ALPL: variants seen among roughly 807,000 people sequenced by gnomAD.
ALPL encodes alkaline phosphatase, biomineralization associated, also known as alkaline phosphatase, tissue-nonspecific isozyme.
Under a neutral mutation model 51.3 loss-of-function variants are expected in ALPL, and 42 were observed. The observed-to-expected ratio is 0.82, with a 90% CI of 0.64 to 1.06. ALPL has a LOEUF of 1.06. ALPL is among the 50% of genes least tolerant of loss of function. The pLI is 0.00. For synonymous variants in ALPL, 279 were observed against 296.4 expected, an observed-to-expected ratio of 0.94 and a Z score of 0.60; for missense variants, 589 against 709.4, an observed-to-expected ratio of 0.83 and a Z score of 1.93.
chr1:21,517,051 A>G (rs115039501), intron 1 of ALPL, among the ~76,000 whole-genome samples: 4,039 of 152,324 alleles, frequency 0.027, 85 homozygotes, highest in Non-Finnish European at 0.036. Context: ...CCTATTTCAT[A>G]ATAAAGTGTT....
At position 21,521,474 on chromosome 1, in the gene ALPL, A is replaced by C. The variant is rs1259174393; in HGVS notation, c.-105+11957A>C. Reference sequence around the variant, plus strand: ...TGCTGGGATTACAACAGCCCATTTAATGACTTTTGAGTTCATGAAAGGCTG... The same window carrying C: ...TGCTGGGATTACAACAGCCCATTTACTGACTTTTGAGTTCATGAAAGGCTG... On this transcript the variant is annotated intron_variant, in intron 1 of 11. Transcript: ENST00000374840. Among the ~76,000 whole-genome samples the C allele has an allele frequency of 2.0e-5, 3 of 152,244 alleles. No individual in the cohort carries two copies. The East Asian group carries it at 5.8e-4, about 29-fold the overall frequency.
Position 21,542,477 on chromosome 1 carries a change from CA to C in ALPL, c.-104-11500del, listed in dbSNP as rs35924229. On this transcript the variant is annotated intron_variant, in intron 1 of 11. Coordinates refer to ENST00000374840, the MANE Select transcript of ALPL (RefSeq NM_000478.6). ...CCTCCTCTTTAGGCCTCAGTCTTCC[CA>C]TTTGGACAATGGGATGATCTCTAAG... 2.0e-3 allele frequency among the ~76,000 whole-genome samples: 302 copies of C among 152,312 alleles called. 2 individuals are homozygous for C. The highest frequency in any genetic ancestry group is 7.1e-3 in the African/African-American group (295 of 41,576).
chr1:21,575,148 G>C (rs567775013), intron 9 of ALPL, among the ~76,000 whole-genome samples: 1 of 152,340 alleles, frequency 6.6e-6, no homozygotes, highest in East Asian at 1.9e-4. Flanking sequence ...TGGGAGCTCC[G>C]TGCTTTCTTT....
rs1478450463 is a variant in ALPL, at chr1:21,543,151, TA to T, written c.-104-10820del. Among the ~76,000 whole-genome samples, 18 of 151,802 alleles carry T rather than the reference TA, an allele frequency of 1.2e-4. No individual in the cohort carries two copies. In the East Asian group the frequency reaches 3.3e-3, roughly 28 times the overall value. On this transcript the variant is annotated intron_variant, in intron 1 of 11. Transcript: ENST00000374840. Reference sequence around the variant, plus strand: ...TAAGACCCTGTCTCAAAACAAAAAATAAAAAAACAGCTTCCCAGGCCCTGAC... The same window carrying T: ...TAAGACCCTGTCTCAAAACAAAAAATAAAAAACAGCTTCCCAGGCCCTGAC...
chr1:21,575,446 C>T (rs1314509983), intron 9 of ALPL, among the ~76,000 whole-genome samples: 3 of 152,208 alleles, frequency 2.0e-5, no homozygotes, highest in Admixed American at 1.3e-4. Context: ...CTGGGAGGGG[C>T]GGTGGGAGGA....
In ALPL at chr1:21,577,571, G is replaced by A. The variant is rs762216748; in HGVS notation, c.1498G>A (p.Ala500Thr). 2 of 1,603,564 alleles carry A rather than the reference G, an allele frequency of 1.2e-6. No individual in the cohort carries two copies. The highest frequency in any genetic ancestry group is 1.7e-6 in the Non-Finnish European group (2 of 1,179,802). Reference sequence around the variant, plus strand: ...GGCCAACCTCGGCCACTGTGCTCCTGCCAGCTCGGCAGGCAGCCTTGCTGC... The same window carrying A: ...GGCCAACCTCGGCCACTGTGCTCCTACCAGCTCGGCAGGCAGCCTTGCTGC... ...IGANLGHCAP[A>T]SSAGSLAAGP... Residue 500 changes from alanine (A) to threonine (T), a missense_variant, in exon 12 of 12, where the codon GCC becomes ACC. Physicochemically the swap from Ala to Thr is moderately conservative, Grantham distance 58. Coordinates refer to ENST00000374840, the MANE Select transcript of ALPL (RefSeq NM_000478.6).
chr1:21,537,821 C>T (rs1471447577), intron 1 of ALPL, among the ~76,000 whole-genome samples: 1 of 152,202 alleles, frequency 6.6e-6, no homozygotes, highest in Non-Finnish European at 1.5e-5. Flanking sequence ...GTTTTTCCTC[C>T]TGAGCCGGAG....
At position 21,577,589 on chromosome 1, in the gene ALPL, C is replaced by A. The variant is rs1570310404; in HGVS notation, c.1516C>A (p.Leu506Ile). Residue 506 changes from leucine (L) to isoleucine (I), a missense_variant, in exon 12 of 12, where the codon CTT becomes ATT. Coordinates refer to ENST00000374840, the MANE Select transcript of ALPL (RefSeq NM_000478.6). ...TGCTCCTGCCAGCTCGGCAGGCAGCCTTGCTGCAGGCCCCCTGCTGCTCGC... is the reference window on the plus strand; with the variant it reads ...TGCTCCTGCCAGCTCGGCAGGCAGCATTGCTGCAGGCCCCCTGCTGCTCGC... Reference protein sequence around the residue: ...HCAPASSAGSLAAGPLLLALA... With the variant: ...HCAPASSAGSIAAGPLLLALA... The A allele has an allele frequency of 6.2e-7, 1 of 1,602,106 alleles. No homozygotes were observed. The highest frequency in any genetic ancestry group is 8.5e-7 in the Non-Finnish European group (1 of 1,179,750).
chr1:21,546,639 T>C (rs1487391720), intron 1 of ALPL, among the ~76,000 whole-genome samples: 5 of 152,218 alleles, frequency 3.3e-5, no homozygotes, highest in African/African-American at 7.2e-5. Context: ...CTGCTGGCTT[T>C]AGGCCAGCGC....
chr1:21,554,654 C>A (rs1172238858), intron 2 of ALPL, among the ~76,000 whole-genome samples: 1 of 151,288 alleles, frequency 6.6e-6, no homozygotes, highest in Non-Finnish European at 1.5e-5. Flanking sequence ...CCGCGCCAGG[C>A]TAATTTTTTG....
rs182887664 is a variant in ALPL, at chr1:21,525,668, G to A, written c.-105+16151G>A. On this transcript the variant is annotated intron_variant, in intron 1 of 11. Coordinates refer to ENST00000374840, the MANE Select transcript of ALPL (RefSeq NM_000478.6). ...AGGGTTAGGTGCTGGAATCACAGAT[G>A]GATCTGCCCTGGATTTTGCCTTCAA... 1.5e-3 allele frequency among the ~76,000 whole-genome samples: 236 copies of A among 152,322 alleles called. 1 individual carries two copies. The highest frequency in any genetic ancestry group is 5.1e-3 in the Admixed American group (78 of 15,298).
intron 4 of ALPL, among the ~76,000 whole-genome samples, chr1:21,561,639 G>A (rs1435861548): frequency 6.7e-6 from 1 of 150,304 alleles, no homozygotes; most frequent in African/African-American, 2.4e-5. Context: ...TTACAGGCGT[G>A]AGCCACCATG....
At chr1:21,516,336 A>T (rs1455697463) in intron 1 of ALPL, among the ~76,000 whole-genome samples, 1 of 150,434 alleles carries the variant, frequency 6.6e-6, no homozygotes, top group Admixed American at 6.6e-5. Context: ...CCCCTCCTCC[A>T]CTCCTTCTGA....
chr1:21,576,528 C>T lies in ALPL; in HGVS notation c.1196C>T (p.Ala399Val), dbSNP rs1394896229. The change falls in exon 11 of 12, where the codon GCC (alanine) becomes GTC (valine). Residue 399 changes from alanine to valine, a missense_variant. Physicochemically the swap from Ala to Val is moderately conservative, Grantham distance 64. Transcript: ENST00000374840. ...TPRGNSIFGL[A>V]PMLSDTDKKP... is the part of the protein sequence containing the mutation. ...ACACCCCCTCCCTGTGCAGGTCTGG[C>T]CCCCATGCTGAGTGACACAGACAAG... The T allele has an allele frequency of 1.2e-6, 2 of 1,613,700 alleles. No homozygotes were observed. Among genetic ancestry groups the T allele is most frequent in the Non-Finnish European group, 1.7e-6 (2 of 1,179,842 alleles).
chr1:21,564,804 A>T lies in ALPL; in HGVS notation c.648+588A>T, dbSNP rs1266520684. 6.6e-6 allele frequency among the ~76,000 whole-genome samples: 1 copy of T among 152,166 alleles called. No homozygotes were observed. The highest frequency in any genetic ancestry group is 1.5e-5 in the Non-Finnish European group (1 of 68,042). Reference sequence around the variant, plus strand: ...AAGCTTATGCCAAGAACTGATTAAGATAATCCCTGTGGAGCTCAGCACAGG... The same window carrying T: ...AAGCTTATGCCAAGAACTGATTAAGTTAATCCCTGTGGAGCTCAGCACAGG... On this transcript the variant is annotated intron_variant, in intron 6 of 11. Transcript: ENST00000374840. The surrounding 1 kb of genome is among the most constrained non-coding windows in gnomAD (Gnocchi z 5.8).
At chr1:21,557,800 A>G (rs1644432881) in intron 2 of ALPL, among the ~76,000 whole-genome samples, 1 of 152,164 alleles carries the variant, frequency 6.6e-6, no homozygotes, top group South Asian at 2.1e-4. Flanking sequence ...ATAGCCTGAA[A>G]AAATTTTGAC....
chr1:21,542,168 G>A (rs1215076390), intron 1 of ALPL, among the ~76,000 whole-genome samples: 1 of 152,188 alleles, frequency 6.6e-6, no homozygotes, highest in East Asian at 1.9e-4. Flanking sequence ...CTATGACTCT[G>A]CAGCTGAAAT....
At chr1:21,525,151 C>T (rs932422666) in intron 1 of ALPL, among the ~76,000 whole-genome samples, 2 of 152,232 alleles carry the variant, frequency 1.3e-5, no homozygotes, top group African/African-American at 2.4e-5. Context: ...TGCCCCACTT[C>T]CCCCTCTTGG....
rs147112361 is a variant in ALPL, at chr1:21,547,088, G to A, written c.-104-6890G>A. ...TCCAAGCTGACAGAAACTCTGTCCC[G>A]TTCCCGACTGTTTCCATAGAACCTA... On this transcript the variant is annotated intron_variant, in intron 1 of 11. Coordinates refer to ENST00000374840, the MANE Select transcript of ALPL (RefSeq NM_000478.6). Among the ~76,000 whole-genome samples the A allele has an allele frequency of 1.8e-3, 277 of 152,344 alleles. 2 individuals are homozygous for A. Among genetic ancestry groups the A allele is most frequent in the Admixed American group, 0.012 (181 of 15,296 alleles).
Sources: allele counts gnomAD v4.1 joint callset (sites outside exome capture counted in the v4.1 genomes callset), GRCh38; gene constraint gnomAD v4.1.1; non-coding constraint Gnocchi (gnomAD v3.1); transcripts MANE v1.5; gene names NCBI Gene and HGNC (gene_info 2026-07-23, HGNC 2026-07-21).